Variants in PTPRQ observed in about 807,000 individuals in gnomAD.
PTPRQ encodes the protein phosphatidylinositol phosphatase PTPRQ.
Under a neutral mutation model 246.0 loss-of-function variants are expected in PTPRQ, and 199 were observed. The ratio of observed to expected loss-of-function variants is 0.81; its 90% CI spans 0.72 to 0.91. The LOEUF is 0.91. Ranked by LOEUF, PTPRQ falls within the 40% of genes least tolerant of loss-of-function variation. The probability of loss-of-function intolerance (pLI) is 0.00; values close to 1 mark genes in which losing one functional copy is unlikely to be tolerated. For missense variants in PTPRQ, 2,624 were observed against 2,528.4 expected, an observed-to-expected ratio of 1.04 and a Z score of -0.81; for synonymous variants, 869 against 853.2, an observed-to-expected ratio of 1.02 and a Z score of -0.32.
Position 80,542,152 on chromosome 12 carries a change from C to T in PTPRQ, c.3509C>T (p.Ser1170Leu). Residue 1170 changes from serine (S) to leucine (L), a missense_variant, in exon 22 of 45, where the codon TCA becomes TTA. By Grantham distance (145) the Ser-to-Leu change is moderately radical. Coordinates refer to ENST00000644991, the MANE Select transcript of PTPRQ (RefSeq NM_001145026.2). ...CTTTCCTCTACCTCAGTTCTCTTAT[C>T]ATGGGATCCCCCAGTAAAGCCAAAT... is the stretch of plus-strand genomic sequence containing the variant. ...KNLSSTSVLLSWDPPVKPNGA... is the reference protein window; with the variant it reads ...KNLSSTSVLLLWDPPVKPNGA... The T allele has an allele frequency of 6.4e-7, 1 of 1,551,028 alleles. No individual in the cohort carries two copies. The highest frequency in any genetic ancestry group is 1.2e-5 in the South Asian group (1 of 83,956).
intron 25 of PTPRQ, among the ~76,000 whole-genome samples, chr12:80,581,011 C>G (rs1897417361): frequency 6.6e-6 from 1 of 152,148 alleles, no homozygotes; most frequent in Non-Finnish European, 1.5e-5. Context: ...TACTGTGTAG[C>G]AAAATTTGCT....
At chr12:80,652,920 T>C in intron 38 of PTPRQ, 86 bp downstream of exon 38, 1 of 1,295,320 alleles carries the variant, frequency 7.7e-7, no homozygotes, top group East Asian at 3.0e-5. Flanking sequence ...TAATATATTT[T>C]ATTTTATATT....
At chr12:80,543,494 A>C (rs190488862) in intron 23 of PTPRQ, among the ~76,000 whole-genome samples, 1 of 152,192 alleles carries the variant, frequency 6.6e-6, no homozygotes, top group East Asian at 1.9e-4. Flanking sequence ...AATTGCCAAA[A>C]TGTAATTAAC....
chr12:80,626,986 A>G (rs1899225955), intron 33 of PTPRQ, among the ~76,000 whole-genome samples: 1 of 152,032 alleles, frequency 6.6e-6, no homozygotes, highest in South Asian at 2.1e-4. Context: ...AGCTACCTTT[A>G]AATTTTTTCC....
intron 18 of PTPRQ, 86 bp downstream of exon 18, chr12:80,534,261 A>C: frequency 1.5e-6 from 2 of 1,295,268 alleles, no homozygotes; most frequent in Non-Finnish European, 2.0e-6. Context: ...AAATATCAAA[A>C]TGTATGATGA....
At chr12:80,652,355 A>G (rs566884390) in intron 37 of PTPRQ, among the ~76,000 whole-genome samples, 2 of 152,142 alleles carry the variant, frequency 1.3e-5, no homozygotes, top group Non-Finnish European at 2.9e-5. Context: ...ACACTGCCTG[A>G]GGAGAGAAAA....
chr12:80,635,519 A>C (rs567450966), intron 35 of PTPRQ, among the ~76,000 whole-genome samples: 1 of 152,252 alleles, frequency 6.6e-6, no homozygotes, highest in East Asian at 1.9e-4. Context: ...ATAAAAGTAC[A>C]TAAAAGTCTA....
intron 17 of PTPRQ, among the ~76,000 whole-genome samples, chr12:80,525,530 T>C (rs1191744139): frequency 1.3e-5 from 2 of 152,124 alleles, no homozygotes; most frequent in East Asian, 3.9e-4. Context: ...TGAATTTTCT[T>C]GCGAGTGCAG....
In PTPRQ at chr12:80,510,332, C is replaced by T; in HGVS notation, c.2567C>T (p.Ser856Phe). The T allele has an allele frequency of 1.3e-6, 2 of 1,544,640 alleles. No homozygotes were observed. The highest frequency in any genetic ancestry group is 1.7e-6 in the Non-Finnish European group (2 of 1,143,600). ...TACCCTAACTTTACAGCTCCTGATT[C>T]TCCCCCTCAAGACTTCTCTGTAAAA... is the stretch of plus-strand genomic sequence containing the variant. ...SILTEEDAPD[S>F]PPQDFSVKQL... The change falls in exon 17 of 45, where the codon TCT becomes TTT. Residue 856 changes from serine (S) to phenylalanine (F), a missense_variant. By Grantham distance (155) the Ser-to-Phe change is radical (BLOSUM62 -2). Transcript: ENST00000644991.
intron 25 of PTPRQ, among the ~76,000 whole-genome samples, chr12:80,573,362 G>A (rs1897200070): frequency 6.6e-6 from 1 of 152,092 alleles, no homozygotes; most frequent in South Asian, 2.1e-4. Flanking sequence ...GGTGGCGGGC[G>A]CCTGTGGTCC....
chr12:80,565,396 A>T (rs1051945084), intron 25 of PTPRQ, among the ~76,000 whole-genome samples: 1 of 152,196 alleles, frequency 6.6e-6, no homozygotes, highest in Non-Finnish European at 1.5e-5. Context: ...TTATTTAGGA[A>T]CTGGTGCATA....
chr12:80,518,918 C>G (rs567773902), intron 17 of PTPRQ, among the ~76,000 whole-genome samples: 127 of 152,206 alleles, frequency 8.3e-4, no homozygotes, highest in Non-Finnish European at 1.5e-3. Flanking sequence ...TGCGATTCCT[C>G]CAGTTTTTTC....
Position 80,542,726 on chromosome 12 carries a change from A to G in PTPRQ, c.3722-4A>G, listed in dbSNP as rs927650061. ...TGTAAGTTTCTTCATGTGTTTTCCT[A>G]CAGTGCCGTTAGCACCTCCACAAAA... On this transcript the variant is annotated splice_polypyrimidine_tract_variant and splice_region_variant and intron_variant, in intron 22 of 44. Coordinates refer to ENST00000644991, the MANE Select transcript of PTPRQ (RefSeq NM_001145026.2). 1 of 1,534,936 alleles carries G rather than the reference A, an allele frequency of 6.5e-7. No individual in the cohort carries two copies. Among genetic ancestry groups the G allele is most frequent in the South Asian group, 1.3e-5 (1 of 79,348 alleles).
At chr12:80,615,040 A>G (rs1321092391) in intron 29 of PTPRQ, among the ~76,000 whole-genome samples, 1 of 150,994 alleles carries the variant, frequency 6.6e-6, no homozygotes, top group African/African-American at 2.4e-5. Flanking sequence ...AAATCTGCAT[A>G]TTTGCATTTA....
intron 28 of PTPRQ, among the ~76,000 whole-genome samples, chr12:80,612,462 G>A (rs1898588124): frequency 6.7e-6 from 1 of 150,208 alleles, no homozygotes; most frequent in Non-Finnish European, 1.5e-5. Context: ...GCAAATTAAA[G>A]CCACAATAAG....
Position 80,579,043 on chromosome 12 carries a change from T to A in PTPRQ, c.4286-9086T>A, listed in dbSNP as rs533268246. Among the ~76,000 whole-genome samples the A allele has an allele frequency of 3.3e-5, 5 of 152,284 alleles. No homozygotes were observed. In the East Asian group the frequency reaches 9.7e-4, roughly 29 times the overall value. ...CTGTGCTCAATATACCATCACATCC[T>A]GTCAATATTTCTTTACATTTTTCTT... On this transcript the variant is annotated intron_variant, in intron 25 of 44. Coordinates refer to ENST00000644991, the MANE Select transcript of PTPRQ (RefSeq NM_001145026.2).
intron 3 of PTPRQ, among the ~76,000 whole-genome samples, chr12:80,455,579 G>A (rs920362875): frequency 2.9e-5 from 4 of 137,378 alleles, no homozygotes; most frequent in African/African-American, 1.1e-4. Context: ...AAAAAGTCTC[G>A]TCCTTTACAT....
At chr12:80,459,902 G>A (rs1292510508) in intron 5 of PTPRQ, among the ~76,000 whole-genome samples, 1 of 152,176 alleles carries the variant, frequency 6.6e-6, no homozygotes, top group Non-Finnish European at 1.5e-5. Context: ...TATGACAGGA[G>A]GGAAGAGTAC....
chr12:80,506,449 C>T (rs1188834880), intron 15 of PTPRQ, 120 bp from the exon 16 acceptor site: 11 of 893,428 alleles, frequency 1.2e-5, no homozygotes, highest in Admixed American at 3.0e-5. Context: ...CAAAGAATGA[C>T]ATTTTCACTT....
Sources: gnomAD v4.1 joint callset for allele counts (sites outside exome capture counted in the v4.1 genomes callset) on GRCh38, gnomAD v4.1.1 for gene constraint, MANE v1.5 for transcripts, NCBI Gene and HGNC (gene_info 2026-07-23, HGNC 2026-07-21) for gene names.